Variants in SLC9A2 observed in about 807,000 individuals in gnomAD.
SLC9A2 encodes the protein sodium/hydrogen exchanger 2.
SLC9A2 carries 42 observed loss-of-function variants against 71.7 expected under a neutral mutation model. That is an observed-to-expected ratio of 0.59 (90% CI 0.46 to 0.76). The LOEUF (loss-of-function observed/expected upper bound fraction) is 0.76, where lower values mean the gene tolerates loss of function less well. Ranked by LOEUF, SLC9A2 falls within the 30% of genes least tolerant of loss-of-function variation. The pLI, the probability that SLC9A2 is intolerant of heterozygous loss-of-function variation, is 0.00. For synonymous variants in SLC9A2, 396 were observed against 392.5 expected (o/e 1.01, Z -0.10); for missense variants, 829 against 1,017.4 (o/e 0.81, Z 2.52).
chr2:102,658,040 C>G lies in SLC9A2; in HGVS notation c.753+13C>G. ...TGCAGTAACAGTGGTGAGTCACATTCACACTGCATGACTCCAACAGGTGGG... is the reference window on the plus strand; with the variant it reads ...TGCAGTAACAGTGGTGAGTCACATTGACACTGCATGACTCCAACAGGTGGG... On this transcript the variant is annotated intron_variant, in intron 2 of 11. Transcript: ENST00000233969. 6.3e-7 allele frequency: 1 copy of G among 1,575,240 alleles called. No individual in the cohort carries two copies. The highest frequency in any genetic ancestry group is 8.6e-7 in the Non-Finnish European group (1 of 1,156,788).
At chr2:102,622,411 A>G (rs115189742) in intron 1 of SLC9A2, among the ~76,000 whole-genome samples, 3,201 of 152,302 alleles carry the variant, frequency 0.021, 119 homozygotes, top group African/African-American at 0.072. Flanking sequence ...TGCCATTTCT[A>G]TTCCAACTAT....
intron 2 of SLC9A2, among the ~76,000 whole-genome samples, chr2:102,658,964 C>A (rs191782207): frequency 1.3e-5 from 2 of 152,332 alleles, no homozygotes; most frequent in Admixed American, 1.3e-4. Flanking sequence ...TGAATGCTCA[C>A]TTTGTGCTCA....
At chr2:102,652,796 G>C (rs1462515281) in intron 1 of SLC9A2, among the ~76,000 whole-genome samples, 1 of 152,038 alleles carries the variant, frequency 6.6e-6, no homozygotes, top group African/African-American at 2.4e-5. Context: ...CCCAATAACT[G>C]ATATATTTGT....
intron 1 of SLC9A2, among the ~76,000 whole-genome samples, chr2:102,648,517 T>G (rs941029197): frequency 1.3e-5 from 2 of 152,056 alleles, no homozygotes; most frequent in African/African-American, 4.8e-5. Context: ...GAGAAAGAAA[T>G]AAAGGGTATT....
chr2:102,652,414 G>T (rs949379640), intron 1 of SLC9A2, among the ~76,000 whole-genome samples: 7 of 152,084 alleles, frequency 4.6e-5, no homozygotes, highest in African/African-American at 1.7e-4. Context: ...GGCCAGTCAT[G>T]CACCTCTTTC....
intron 1 of SLC9A2, among the ~76,000 whole-genome samples, chr2:102,647,780 A>G (rs1046731180): frequency 3.3e-5 from 5 of 152,216 alleles, no homozygotes; most frequent in Admixed American, 2.0e-4. Context: ...CACCCTCCCA[A>G]GACTAAACCT....
chr2:102,699,813 C>T (rs892563185), intron 7 of SLC9A2, among the ~76,000 whole-genome samples: 1 of 152,086 alleles, frequency 6.6e-6, no homozygotes, highest in African/African-American at 2.4e-5. Context: ...TGTTCTACGC[C>T]CCTCTGCTTG....
At chr2:102,702,973 C>T (rs1341884604) in intron 9 of SLC9A2, among the ~76,000 whole-genome samples, 3 of 152,130 alleles carry the variant, frequency 2.0e-5, no homozygotes, top group African/African-American at 7.2e-5. Flanking sequence ...ATTTTCCAAG[C>T]CCCATTTCAG....
intron 1 of SLC9A2, among the ~76,000 whole-genome samples, chr2:102,650,144 A>G (rs1290264697): frequency 6.6e-6 from 1 of 152,246 alleles, no homozygotes; most frequent in East Asian, 1.9e-4. Context: ...CAGCCATAAA[A>G]AAGAATGAGT....
intron 1 of SLC9A2, among the ~76,000 whole-genome samples, chr2:102,635,094 G>A (rs569001771): frequency 3.3e-5 from 5 of 152,286 alleles, no homozygotes; most frequent in African/African-American, 1.2e-4. Context: ...GAATCTTAAA[G>A]TAAAGTGCTG....
chr2:102,705,951 T>G lies in SLC9A2; in HGVS notation c.2068+15T>G. The G allele has an allele frequency of 6.8e-7, 1 of 1,481,342 alleles. No homozygotes were observed. The highest frequency in any genetic ancestry group is 1.2e-5 in the South Asian group (1 of 81,316). 91.8% of individuals were successfully genotyped at this position (1,481,342 alleles called of 1,614,324 possible). A position where few individuals can be genotyped will look rare whatever the true frequency, so the allele number is the denominator to read the frequency against. ...TTCTATTGCAGGTAGTGAATATAGT[T>G]GGAGCAGAAAAATTTTAAATTTATT... On this transcript the variant is annotated intron_variant, in intron 11 of 11. Transcript: ENST00000233969.
chr2:102,701,098 C>G lies in SLC9A2; in HGVS notation c.1615C>G (p.Arg539Gly), dbSNP rs371605244. Residue 539 changes from arginine to glycine, a missense_variant, in exon 8 of 12, where the codon CGG becomes GGG. Around this residue, in one of 3 missense-constraint regions of SLC9A2, gnomAD observed 500 missense variants for 726.3 expected, o/e 0.69. Transcript: ENST00000233969. ...KFKKFDDKYL[R>G]KLLIRENQPK... ...TAAGAAGTTTGATGATAAATATCTG[C>G]GGAAGCTTTTGATTCGGGAAAACCA... 3 of 1,606,222 alleles carry G rather than the reference C, an allele frequency of 1.9e-6. No individual in the cohort carries two copies. The highest frequency in any genetic ancestry group is 1.7e-5 in the Admixed American group (1 of 58,248).
intron 1 of SLC9A2, among the ~76,000 whole-genome samples, chr2:102,653,278 C>T (rs1676870200): frequency 6.6e-6 from 1 of 152,126 alleles, no homozygotes; most frequent in Non-Finnish European, 1.5e-5. Flanking sequence ...TTCTGAATGA[C>T]CTGAGTACTC....
chr2:102,627,613 T>G (rs1676274585), intron 1 of SLC9A2, among the ~76,000 whole-genome samples: 1 of 152,120 alleles, frequency 6.6e-6, no homozygotes, highest in African/African-American at 2.4e-5. Flanking sequence ...TATTGTTATG[T>G]TTTTCTTTTT....
chr2:102,670,849 CTTTT>C lies in SLC9A2; in HGVS notation c.1004+5517_1004+5520del, dbSNP rs10687841. Among the ~76,000 whole-genome samples the C allele has an allele frequency of 2.3e-3, 174 of 75,884 alleles. 2 individuals are homozygous for C. The highest frequency in any genetic ancestry group is 7.6e-3 in the African/African-American group (158 of 20,702). 49.8% of individuals were successfully genotyped at this position (75,884 alleles called of 152,430 possible). A position where few individuals can be genotyped will look rare whatever the true frequency, so the allele number is the denominator to read the frequency against. On this transcript the variant is annotated intron_variant, in intron 3 of 11. Coordinates refer to ENST00000233969, the MANE Select transcript of SLC9A2 (RefSeq NM_003048.6). ...TTTGAGAAAAAAATAGGAAGGCATG[CTTTT>C]TTTTTTTTTTTTTTTTTGCCTATCC...
chr2:102,662,164 AGT>A (rs2104523326), intron 2 of SLC9A2, among the ~76,000 whole-genome samples: 2 of 152,368 alleles, frequency 1.3e-5, no homozygotes, highest in South Asian at 4.1e-4. Flanking sequence ...ATGTGCTGAG[AGT>A]ACAGTGCCTG....
chr2:102,625,429 T>C (rs1676227425), intron 1 of SLC9A2, among the ~76,000 whole-genome samples: 2 of 151,952 alleles, frequency 1.3e-5, no homozygotes, highest in Admixed American at 1.3e-4. Flanking sequence ...CATTAACTCA[T>C]CATTTACATT....
chr2:102,704,511 T>G (rs754453447), intron 9 of SLC9A2, 33 bp from the exon 10 acceptor site: 14 of 1,598,620 alleles, frequency 8.8e-6, no homozygotes, highest in Non-Finnish European at 8.5e-6. Flanking sequence ...TTTGTTTTTG[T>G]TTTTTAATGT....
chr2:102,671,167 G>A (rs909019281), intron 3 of SLC9A2, among the ~76,000 whole-genome samples: 2 of 152,140 alleles, frequency 1.3e-5, no homozygotes, highest in African/African-American at 4.8e-5. Flanking sequence ...GAAGGAAGCG[G>A]GGAATCAAGA....
Sources: gnomAD v4.1 joint callset for allele counts (sites outside exome capture counted in the v4.1 genomes callset) on GRCh38, gnomAD v4.1.1 for gene constraint, gnomAD v4.1.1 regional missense constraint, MANE v1.5 for transcripts, NCBI Gene and HGNC (gene_info 2026-07-23, HGNC 2026-07-21) for gene names.